Variants in RALYL observed in about 807,000 individuals in gnomAD.
RALYL encodes the protein RNA-binding Raly-like protein.
In RALYL, 29 loss-of-function variants were observed where a neutral mutation model predicts 35.1. The ratio of observed to expected loss-of-function variants is 0.83; its 90% CI spans 0.61 to 1.13. The LOEUF is 1.13. Among genes scored for constraint, RALYL ranks in the 50% most tolerant of loss-of-function variants. The pLI, the probability that RALYL is intolerant of heterozygous loss-of-function variation, is 0.00. For synonymous variants in RALYL, 120 were observed against 127.6 expected (o/e 0.94, Z 0.40); for missense variants, 359 against 360.4 (o/e 1.00, Z 0.03).
At chr8:84,406,152 T>A (rs2043471364) in intron 1 of RALYL, among the ~76,000 whole-genome samples, 1 of 152,054 alleles carries the variant, frequency 6.6e-6, no homozygotes. Flanking sequence ...AGTAAGGAAC[T>A]GTTATATGTA....
At chr8:84,423,742 C>G (rs919295427) in intron 1 of RALYL, among the ~76,000 whole-genome samples, 13 of 151,592 alleles carry the variant, frequency 8.6e-5, no homozygotes, top group Non-Finnish European at 1.3e-4. Context: ...TAGGGCAGGC[C>G]TGGTGGTGAC....
At chr8:84,441,547 A>G (rs967885013) in intron 1 of RALYL, among the ~76,000 whole-genome samples, 1 of 152,156 alleles carries the variant, frequency 6.6e-6, no homozygotes, top group African/African-American at 2.4e-5. Context: ...AGCTACAAAA[A>G]TGTTTATTCT....
intron 2 of RALYL, among the ~76,000 whole-genome samples, chr8:84,750,984 G>A (rs1028255254): frequency 1.3e-5 from 2 of 152,098 alleles, no homozygotes; most frequent in African/African-American, 4.8e-5. Flanking sequence ...GATGTGGGGA[G>A]GATAGGAAAG....
chr8:84,440,178 A>G (rs149396394), intron 1 of RALYL, among the ~76,000 whole-genome samples: 290 of 152,222 alleles, frequency 1.9e-3, no homozygotes, highest in African/African-American at 6.8e-3. Flanking sequence ...GCAGGTAATA[A>G]TTGGAATTCT....
chr8:84,840,418 A>G (rs1261332456), intron 4 of RALYL, among the ~76,000 whole-genome samples: 1 of 152,152 alleles, frequency 6.6e-6, no homozygotes, highest in Admixed American at 6.5e-5. Context: ...AAGTTTAGAG[A>G]AAAAAGAAAA....
At chr8:84,709,809 C>G (rs958407434) in intron 2 of RALYL, among the ~76,000 whole-genome samples, 1 of 152,090 alleles carries the variant, frequency 6.6e-6, no homozygotes, top group Admixed American at 6.6e-5. Flanking sequence ...GCCTGTAATC[C>G]CAGCAATTTG....
intron 1 of RALYL, among the ~76,000 whole-genome samples, chr8:84,336,926 T>C (rs1047489964): frequency 5.3e-5 from 8 of 151,576 alleles, no homozygotes; most frequent in Non-Finnish European, 1.2e-4. Context: ...AGTTTGAACA[T>C]TGCTAGGTTT....
intron 4 of RALYL, among the ~76,000 whole-genome samples, chr8:84,834,935 C>T (rs1005320668): frequency 6.6e-6 from 1 of 152,050 alleles, no homozygotes; most frequent in Non-Finnish European, 1.5e-5. Context: ...GACTCATAAA[C>T]AGCCAAATAC....
chr8:84,794,874 T>C (rs1381722295), intron 3 of RALYL, among the ~76,000 whole-genome samples: 1 of 152,216 alleles, frequency 6.6e-6, no homozygotes, highest in African/African-American at 2.4e-5. Context: ...TTACAGTCCA[T>C]CCGAGGGAGA....
At chr8:84,437,303 A>G (rs2047840440) in intron 1 of RALYL, among the ~76,000 whole-genome samples, 1 of 152,170 alleles carries the variant, frequency 6.6e-6, no homozygotes, top group Non-Finnish European at 1.5e-5. Flanking sequence ...TGTCTTTGCT[A>G]TCGTGTTGTG....
chr8:84,869,060 G>A lies in RALYL; in HGVS notation c.572-4224G>A, dbSNP rs147705692. Among the ~76,000 whole-genome samples, 1,150 of 152,018 alleles carry A rather than the reference G, an allele frequency of 7.6e-3. 7 individuals are homozygous for A. The highest frequency in any genetic ancestry group is 0.017 in the Admixed American group (257 of 15,256). Reference sequence around the variant, plus strand: ...GGACAGATGGGAGCAGAGCGGAGGCGTTGAAGTGATCATGATAAAGAGTTC... The same window carrying A: ...GGACAGATGGGAGCAGAGCGGAGGCATTGAAGTGATCATGATAAAGAGTTC... On this transcript the variant is annotated intron_variant, in intron 6 of 8. Coordinates refer to ENST00000521268, the MANE Select transcript of RALYL (RefSeq NM_173848.7).
intron 1 of RALYL, among the ~76,000 whole-genome samples, chr8:84,228,826 G>GGA (rs902249704): frequency 3.3e-5 from 5 of 152,082 alleles, no homozygotes; most frequent in Non-Finnish European, 5.9e-5. Flanking sequence ...GAGTGAAGGG[G>GGA]GAAGCCCCTT....
chr8:84,907,310 TCACACACACACA>T lies in RALYL; in HGVS notation c.859-13553_859-13542del, dbSNP rs71273918. On this transcript the variant is annotated intron_variant, in intron 8 of 8. Coordinates refer to ENST00000521268, the MANE Select transcript of RALYL (RefSeq NM_173848.7). ...AAATCTGAGAAAATAAGATATAGCG[TCACACACACACA>T]CACACACACACACACACACACACAC... Among the ~76,000 whole-genome samples the T allele has an allele frequency of 5.9e-4, 87 of 148,132 alleles. 1 individual carries two copies. The highest frequency in any genetic ancestry group is 1.4e-3 in the African/African-American group (58 of 40,064).
chr8:84,888,709 C>G (rs1843315711), intron 8 of RALYL, among the ~76,000 whole-genome samples: 1 of 152,094 alleles, frequency 6.6e-6, no homozygotes, highest in East Asian at 1.9e-4. Context: ...CATGCCAGCT[C>G]TGTTAAAATT....
intron 2 of RALYL, among the ~76,000 whole-genome samples, chr8:84,696,610 A>G (rs1031010905): frequency 6.6e-6 from 1 of 152,006 alleles, no homozygotes; most frequent in Non-Finnish European, 1.5e-5. Context: ...TGATTTAAAA[A>G]TATTAAAAAT....
chr8:84,733,783 T>G (rs1846692526), intron 2 of RALYL, among the ~76,000 whole-genome samples: 2 of 152,154 alleles, frequency 1.3e-5, no homozygotes, highest in African/African-American at 4.8e-5. Context: ...TGGGACACAG[T>G]GATCACTGGT....
At chr8:84,370,758 T>C (rs887766690) in intron 1 of RALYL, among the ~76,000 whole-genome samples, 2 of 151,992 alleles carry the variant, frequency 1.3e-5, no homozygotes, top group Non-Finnish European at 2.9e-5. Context: ...ATGTGCAAGT[T>C]TGTAGAAGCC....
At chr8:84,708,628 T>G (rs2132431518) in intron 2 of RALYL, among the ~76,000 whole-genome samples, 1 of 152,270 alleles carries the variant, frequency 6.6e-6, no homozygotes, top group South Asian at 2.1e-4. Flanking sequence ...GAATTAATGT[T>G]TAACTTTTGA....
intron 1 of RALYL, among the ~76,000 whole-genome samples, chr8:84,277,771 G>T (rs1411380365): frequency 6.6e-6 from 1 of 152,222 alleles, no homozygotes; most frequent in Non-Finnish European, 1.5e-5. Flanking sequence ...GATCCAAAAT[G>T]ATCTCCTTTG....
Sources: gnomAD v4.1 joint callset for allele counts (sites outside exome capture counted in the v4.1 genomes callset) on GRCh38, gnomAD v4.1.1 for gene constraint, MANE v1.5 for transcripts, NCBI Gene and HGNC (gene_info 2026-07-23, HGNC 2026-07-21) for gene names.